SYT2: variants seen among roughly 807,000 people sequenced by gnomAD.
SYT2 encodes the protein synaptotagmin 2, also known as synaptotagmin-2.
A neutral mutation model predicts 39.9 loss-of-function variants in SYT2; 15 were observed. That is an observed-to-expected ratio of 0.38 (90% CI 0.25 to 0.58). The LOEUF is 0.58. SYT2 is among the 20% of genes least tolerant of loss of function. The probability of loss-of-function intolerance (pLI) is 0.70; values close to 1 mark genes in which losing one functional copy is unlikely to be tolerated. For missense variants in SYT2, 389 were observed against 530.3 expected, an observed-to-expected ratio of 0.73 and a Z score of 2.62; for synonymous variants, 181 against 204.5, an observed-to-expected ratio of 0.89 and a Z score of 0.98.
At chr1:202,602,189 T>C (rs1204714058) in intron 5 of SYT2, 132 bp from the exon 6 acceptor site, 11 of 857,098 alleles carry the variant, frequency 1.3e-5, no homozygotes, top group African/African-American at 1.1e-4. Context: ...ACCAAGGCTT[T>C]TGGGGAGCAG....
intron 1 of SYT2, among the ~76,000 whole-genome samples, chr1:202,695,135 C>T (rs974286936): frequency 1.6e-4 from 24 of 152,102 alleles, no homozygotes; most frequent in African/African-American, 5.6e-4. Context: ...GTGTAGAGCA[C>T]CTTCCTCAGT....
At chr1:202,678,586 T>A (rs1397352306) in intron 1 of SYT2, among the ~76,000 whole-genome samples, 5 of 152,126 alleles carry the variant, frequency 3.3e-5, no homozygotes, top group Non-Finnish European at 4.4e-5. Context: ...GTATTCAGTC[T>A]CTTTCTCTGG....
At chr1:202,669,006 G>T (rs2149108481) in intron 1 of SYT2, among the ~76,000 whole-genome samples, 1 of 152,300 alleles carries the variant, frequency 6.6e-6, no homozygotes, top group Non-Finnish European at 1.5e-5. Context: ...CAAGCCTTCA[G>T]GAATTCGGGA....
chr1:202,634,378 G>A (rs1454642679), intron 1 of SYT2, among the ~76,000 whole-genome samples: 8 of 152,204 alleles, frequency 5.3e-5, no homozygotes, highest in East Asian at 3.9e-4. Context: ...TTAGCTGGGC[G>A]TGGTGGCGCA....
At chr1:202,706,026 C>T (rs1654242177) in intron 1 of SYT2, among the ~76,000 whole-genome samples, 1 of 152,038 alleles carries the variant, frequency 6.6e-6, no homozygotes, top group Non-Finnish European at 1.5e-5. Context: ...ATTTTAGACC[C>T]AGCCTCTCTA....
At chr1:202,678,898 C>A (rs1342168628) in intron 1 of SYT2, among the ~76,000 whole-genome samples, 1 of 151,990 alleles carries the variant, frequency 6.6e-6, no homozygotes, top group Non-Finnish European at 1.5e-5. Flanking sequence ...ACTACTGACC[C>A]AACGCCCTAC....
intron 1 of SYT2, among the ~76,000 whole-genome samples, chr1:202,625,167 GGT>G (rs1270966711): frequency 3.6e-4 from 3 of 8,450 alleles, no homozygotes; most frequent in East Asian, 3.6e-3. Flanking sequence ...GTGTCTGTGT[GGT>G]GTGTGTGTCG....
intron 1 of SYT2, among the ~76,000 whole-genome samples, chr1:202,620,026 C>T (rs930349326): frequency 1.3e-5 from 2 of 152,208 alleles, no homozygotes; most frequent in African/African-American, 4.8e-5. Context: ...GTCTCCTGCT[C>T]AGGAGCAAGG....
intron 1 of SYT2, among the ~76,000 whole-genome samples, chr1:202,655,908 G>A (rs116653084): frequency 5.1e-4 from 78 of 152,314 alleles, no homozygotes; most frequent in African/African-American, 1.8e-3. Context: ...GGTGACCATG[G>A]AGCGAGTGGG....
At chr1:202,652,305 T>C (rs1692208783) in intron 1 of SYT2, among the ~76,000 whole-genome samples, 1 of 152,114 alleles carries the variant, frequency 6.6e-6, no homozygotes, top group South Asian at 2.1e-4. Flanking sequence ...GAAGAGGAAC[T>C]CCTTGGGGTC....
At chr1:202,645,347 A>C (rs1435989098) in intron 1 of SYT2, among the ~76,000 whole-genome samples, 1 of 152,114 alleles carries the variant, frequency 6.6e-6, no homozygotes, top group Non-Finnish European at 1.5e-5. Flanking sequence ...CTGGGGAGAA[A>C]AGTGCTTCTG....
At chr1:202,679,324 T>C (rs2149112185) in intron 1 of SYT2, among the ~76,000 whole-genome samples, 1 of 152,218 alleles carries the variant, frequency 6.6e-6, no homozygotes, top group Non-Finnish European at 1.5e-5. Flanking sequence ...CCCCCACCAA[T>C]TGCAGCTGTT....
chr1:202,613,636 C>G (rs538060504), intron 1 of SYT2, among the ~76,000 whole-genome samples: 21 of 152,230 alleles, frequency 1.4e-4, no homozygotes, highest in African/African-American at 4.8e-4. Flanking sequence ...AAGCTGTGGG[C>G]TTTTTGTAGA....
chr1:202,622,921 T>C (rs565625020), intron 1 of SYT2, among the ~76,000 whole-genome samples: 1 of 152,124 alleles, frequency 6.6e-6, no homozygotes, highest in African/African-American at 2.4e-5. Context: ...ACAAAGAAAC[T>C]GAGGCCCCAA....
At position 202,614,655 on chromosome 1, in the gene SYT2, T is replaced by C. The variant is rs1176580138; in HGVS notation, c.-17-8866A>G. 6.6e-6 allele frequency among the ~76,000 whole-genome samples: 1 copy of C among 152,220 alleles called. No homozygotes were observed. ...ATTAATCTGGGAAAGCAAAAGTGCT[T>C]TCTTGAAAAATTGATGATTGAACTG... On this transcript the variant is annotated intron_variant, in intron 1 of 8. Coordinates refer to ENST00000367268, the MANE Select transcript of SYT2 (RefSeq NM_177402.5). This position sits in a 1 kb window ranked among gnomAD's most constrained non-coding sequence, Gnocchi z 4.0.
At chr1:202,643,252 G>T (rs1691975862) in intron 1 of SYT2, 1 of 152,270 alleles carries the variant, frequency 6.6e-6, no homozygotes, top group South Asian at 2.1e-4. Flanking sequence ...CCCTCGTGGG[G>T]TGCCCCGCCT....
At chr1:202,618,893 A>G (rs970577450) in intron 1 of SYT2, among the ~76,000 whole-genome samples, 3 of 152,204 alleles carry the variant, frequency 2.0e-5, no homozygotes, top group African/African-American at 7.2e-5. Context: ...AAAAAAATGT[A>G]AAAAGAAGGA....
At chr1:202,677,830 C>T (rs1653415115) in intron 1 of SYT2, among the ~76,000 whole-genome samples, 1 of 152,132 alleles carries the variant, frequency 6.6e-6, no homozygotes, top group African/African-American at 2.4e-5. Context: ...GGAGTAAAAT[C>T]TCCAAAAGGG....
chr1:202,696,665 T>G (rs1653980881), intron 1 of SYT2, among the ~76,000 whole-genome samples: 1 of 152,168 alleles, frequency 6.6e-6, no homozygotes, highest in Admixed American at 6.5e-5. Flanking sequence ...TAGGGAAGTG[T>G]GGCCTGAGGC....
Sources: allele counts gnomAD v4.1 joint callset (sites outside exome capture counted in the v4.1 genomes callset), GRCh38; gene constraint gnomAD v4.1.1; non-coding constraint Gnocchi (gnomAD v3.1); transcripts MANE v1.5; gene names NCBI Gene and HGNC (gene_info 2026-07-23, HGNC 2026-07-21).